The following PREX2 variants were observed in gnomAD, a reference collection of about 807,000 sequenced individuals.
PREX2 encodes the protein phosphatidylinositol-3,4,5-trisphosphate dependent Rac exchange factor 2.
In PREX2, 107 loss-of-function variants were observed where a neutral mutation model predicts 203.2. The observed-to-expected ratio is 0.53, with a 90% CI of 0.45 to 0.62. The LOEUF (loss-of-function observed/expected upper bound fraction) is 0.62. PREX2 is among the 20% of genes least tolerant of loss of function. The pLI is 0.00. For missense variants in PREX2, 1,777 were observed against 1,955.9 expected, an observed-to-expected ratio of 0.91 and a Z score of 1.72; for synonymous variants, 672 against 663.6, an observed-to-expected ratio of 1.01 and a Z score of -0.19.
chr8:68,031,519 T>C (rs931535221), intron 6 of PREX2, among the ~76,000 whole-genome samples: 2 of 152,194 alleles, frequency 1.3e-5, no homozygotes, highest in Non-Finnish European at 2.9e-5. Context: ...GATATGGTAT[T>C]TTTCATTTGG....
chr8:68,194,662 A>G (rs1052284511), intron 37 of PREX2, among the ~76,000 whole-genome samples: 2 of 151,648 alleles, frequency 1.3e-5, no homozygotes, highest in Admixed American at 6.6e-5. Context: ...TTAGCCGGGC[A>G]TGGTGGCAAA....
chr8:68,027,751 G>A (rs967820390), intron 5 of PREX2, among the ~76,000 whole-genome samples: 1 of 151,982 alleles, frequency 6.6e-6, no homozygotes, highest in African/African-American at 2.4e-5. Flanking sequence ...GCATAACTAG[G>A]ATTTAAAATT....
chr8:67,976,823 GA>G (rs1806126686), intron 1 of PREX2, among the ~76,000 whole-genome samples: 6 of 131,828 alleles, frequency 4.6e-5, no homozygotes, highest in African/African-American at 1.3e-4. Context: ...GTGAGACAGA[GA>G]GAGAGAAGCC....
chr8:68,222,917 C>T (rs781775640), intron 38 of PREX2, among the ~76,000 whole-genome samples: 6 of 152,170 alleles, frequency 3.9e-5, no homozygotes, highest in Non-Finnish European at 8.8e-5. Context: ...ATCAGACACA[C>T]CCAAACTGAG....
chr8:68,131,396 A>G (rs1304801913), intron 31 of PREX2, among the ~76,000 whole-genome samples: 1 of 152,204 alleles, frequency 6.6e-6, no homozygotes, highest in Non-Finnish European at 1.5e-5. Context: ...GGCAACAGAA[A>G]ATTATCTCAT....
At chr8:68,089,704 A>G (rs1809809098) in intron 19 of PREX2, among the ~76,000 whole-genome samples, 1 of 152,250 alleles carries the variant, frequency 6.6e-6, no homozygotes, top group Admixed American at 6.5e-5. Flanking sequence ...GCAAAGATAT[A>G]TTCTTGAATG....
At chr8:68,180,161 A>G (rs1041306686) in intron 35 of PREX2, among the ~76,000 whole-genome samples, 6 of 152,050 alleles carry the variant, frequency 3.9e-5, no homozygotes, top group Admixed American at 6.6e-5. Flanking sequence ...CTTAAATTCT[A>G]TGATCAAAAT....
At chr8:68,000,959 T>C (rs1585693756) in intron 1 of PREX2, among the ~76,000 whole-genome samples, 1 of 152,226 alleles carries the variant, frequency 6.6e-6, no homozygotes, top group South Asian at 2.1e-4. Context: ...TCAAGATAGA[T>C]AAAAGGCTTA....
intron 27 of PREX2, 77 bp from the exon 28 acceptor site, chr8:68,119,355 A>C (rs1472243783): frequency 8.0e-6 from 7 of 878,260 alleles, no homozygotes; most frequent in Non-Finnish European, 1.3e-5. Context: ...ATTTTATTGA[A>C]TATTACAATA....
At chr8:68,016,773 C>T (rs777932022) in intron 1 of PREX2, among the ~76,000 whole-genome samples, 10 of 152,092 alleles carry the variant, frequency 6.6e-5, no homozygotes, top group South Asian at 2.1e-4. Flanking sequence ...TGTGCCACCA[C>T]GCCCAGCAAA....
chr8:68,087,579 G>A (rs77038797), intron 18 of PREX2, 145 bp from the exon 19 acceptor site: 22 of 673,650 alleles, frequency 3.3e-5, no homozygotes, highest in Admixed American at 1.5e-4. Context: ...GACCATGTTC[G>A]TCTCCAAGGA....
chr8:68,018,583 T>C (rs1585709703), intron 2 of PREX2, among the ~76,000 whole-genome samples: 2 of 152,130 alleles, frequency 1.3e-5, no homozygotes, highest in South Asian at 4.1e-4. Context: ...GAAGGCAGGG[T>C]GTGGGCAAAC....
Position 67,952,201 on chromosome 8 carries a change from G to C in PREX2, c.-194G>C, listed in dbSNP as rs1158065879. On this transcript the variant is annotated 5_prime_UTR_variant, in exon 1 of 40. Transcript: ENST00000288368. Reference sequence around the variant, plus strand: ...TCCTCTGCAGAGCCCCGCGCCCCCCGCGCCGGGATTTCAGCCCGATCCCCT... The same window carrying C: ...TCCTCTGCAGAGCCCCGCGCCCCCCCCGCCGGGATTTCAGCCCGATCCCCT... 10 of 425,874 alleles carry C rather than the reference G, an allele frequency of 2.3e-5. No individual in the cohort carries two copies. The highest frequency in any genetic ancestry group is 4.7e-5 in the Admixed American group (1 of 21,142). 26.4% of individuals were successfully genotyped at this position (425,874 alleles called of 1,614,324 possible).
intron 17 of PREX2, among the ~76,000 whole-genome samples, chr8:68,081,877 T>TA (rs1193663735): frequency 1.2e-4 from 18 of 146,410 alleles, no homozygotes; most frequent in African/African-American, 4.3e-4. Flanking sequence ...TTTTTTTTTT[T>TA]AATAGAGACA....
intron 1 of PREX2, among the ~76,000 whole-genome samples, chr8:67,997,749 A>G (rs1806808234): frequency 6.6e-6 from 1 of 152,158 alleles, no homozygotes; most frequent in Admixed American, 6.5e-5. Context: ...ATTTTAAGAT[A>G]TCTTAATTGA....
At chr8:68,195,927 C>T (rs1278689703) in intron 37 of PREX2, among the ~76,000 whole-genome samples, 2 of 152,126 alleles carry the variant, frequency 1.3e-5, no homozygotes, top group Non-Finnish European at 2.9e-5. Flanking sequence ...AACGAAAAGG[C>T]AGATTTAATT....
At position 68,090,704 on chromosome 8, in the gene PREX2, C is replaced by A. The variant is rs773432628; in HGVS notation, c.2239C>A (p.Arg747=). ...CGTTACAGCCTGCAGGAAGTACAGG[C>A]GGCCAACGAAGGTAAGTGGCCCTTC... ...AHVTACRKYR[R]PTKQDSIQWV... Residue 747 remains arginine (R), a synonymous_variant, in exon 20 of 40, where the codon CGG becomes AGG. Transcript: ENST00000288368. 1.9e-6 allele frequency: 3 copies of A among 1,613,126 alleles called. No individual in the cohort carries two copies. The highest frequency in any genetic ancestry group is 2.5e-6 in the Non-Finnish European group (3 of 1,179,334).
At chr8:68,036,931 A>G (rs1254700206) in intron 6 of PREX2, among the ~76,000 whole-genome samples, 1 of 151,968 alleles carries the variant, frequency 6.6e-6, no homozygotes, top group Non-Finnish European at 1.5e-5. Context: ...GAAGAGTGAA[A>G]CTCCATTTCA....
intron 37 of PREX2, 29 bp from the exon 38 acceptor site, chr8:68,217,587 G>A: frequency 6.4e-7 from 1 of 1,552,396 alleles, no homozygotes; most frequent in African/African-American, 1.4e-5. Flanking sequence ...GAACCATGGG[G>A]TCTGACTTGC....
Sources: gnomAD v4.1 joint callset for allele counts (sites outside exome capture counted in the v4.1 genomes callset) on GRCh38, gnomAD v4.1.1 for gene constraint, MANE v1.5 for transcripts, NCBI Gene and HGNC (gene_info 2026-07-23, HGNC 2026-07-21) for gene names.